EXOC6: variants seen among roughly 807,000 people sequenced by gnomAD.
EXOC6 encodes SEC15-like 1.
In EXOC6, 60 loss-of-function variants were observed where a neutral mutation model predicts 112.5. The ratio of observed to expected loss-of-function variants is 0.53; its 90% confidence interval spans 0.43 to 0.66. EXOC6 has a LOEUF of 0.66. EXOC6 is among the 30% of genes least tolerant of loss of function. EXOC6 has a pLI of 0.00. For missense variants in EXOC6, 855 were observed against 957.1 expected, an observed-to-expected ratio of 0.89 and a Z score of 1.41; for synonymous variants, 295 against 308.0, an observed-to-expected ratio of 0.96 and a Z score of 0.44.
At chr10:92,852,821 G>A (rs1036207887) in intron 1 of EXOC6, among the ~76,000 whole-genome samples, 6 of 152,280 alleles carry the variant, frequency 3.9e-5, no homozygotes, top group Admixed American at 2.6e-4. Context: ...AGTGGTAAGA[G>A]TCTGAATGCT....
intron 18 of EXOC6, among the ~76,000 whole-genome samples, chr10:92,984,311 A>G (rs1309764212): frequency 1.3e-5 from 2 of 152,108 alleles, no homozygotes; most frequent in Non-Finnish European, 1.5e-5. Context: ...TGATGAGTGA[A>G]TATTGTACCT....
At chr10:92,933,841 CTA>C (rs1852196993) in intron 9 of EXOC6, among the ~76,000 whole-genome samples, 1 of 152,038 alleles carries the variant, frequency 6.6e-6, no homozygotes, top group Admixed American at 6.6e-5. Flanking sequence ...GTTGGGGAGA[CTA>C]TGTAGGAGGA....
At chr10:92,881,782 G>T in intron 1 of EXOC6, among the ~76,000 whole-genome samples, 1 of 151,912 alleles carries the variant, frequency 6.6e-6, no homozygotes, top group East Asian at 1.9e-4. Flanking sequence ...AATCATGGGG[G>T]TGGTTTCTCC....
At chr10:92,936,777 T>C (rs2081166146) in intron 12 of EXOC6, among the ~76,000 whole-genome samples, 6 of 152,084 alleles carry the variant, frequency 3.9e-5, no homozygotes, top group Admixed American at 3.9e-4. Flanking sequence ...CGGGGTGGGG[T>C]GTGTACACCC....
chr10:92,899,290 G>A (rs561722720), intron 4 of EXOC6, among the ~76,000 whole-genome samples: 15 of 152,196 alleles, frequency 9.9e-5, no homozygotes, highest in Non-Finnish European at 1.8e-4. Flanking sequence ...TTTCTGGATA[G>A]GATAATTGTT....
At chr10:92,974,518 T>C (rs1842416685) in intron 18 of EXOC6, among the ~76,000 whole-genome samples, 2 of 151,660 alleles carry the variant, frequency 1.3e-5, no homozygotes, top group South Asian at 4.2e-4. Flanking sequence ...ATAGAAATAA[T>C]TTACATAGAG....
chr10:92,832,953 G>C (rs1846537819), upstream of EXOC6, among the ~76,000 whole-genome samples: 1 of 152,210 alleles, frequency 6.6e-6, no homozygotes, highest in South Asian at 2.1e-4. Context: ...GTGAGCCACT[G>C]TGCCAAGAAC....
At chr10:92,967,390 C>T (rs1842114013) in intron 17 of EXOC6, among the ~76,000 whole-genome samples, 1 of 152,070 alleles carries the variant, frequency 6.6e-6, no homozygotes, top group African/African-American at 2.4e-5. Context: ...TATTTGGTCT[C>T]TACCACCCCC....
chr10:93,011,430 TA>T (rs1053371911), intron 19 of EXOC6, among the ~76,000 whole-genome samples: 1 of 151,980 alleles, frequency 6.6e-6, no homozygotes, highest in African/African-American at 2.4e-5. Flanking sequence ...TGGCTAATTT[TA>T]ATTTTTTTTT....
chr10:92,964,091 A>T (rs1167454365), intron 17 of EXOC6, among the ~76,000 whole-genome samples: 1 of 151,796 alleles, frequency 6.6e-6, no homozygotes, highest in Admixed American at 6.6e-5. Flanking sequence ...ATTTAATGAG[A>T]TGCTTAGCAC....
At chr10:92,931,290 T>G (rs1390511391) in intron 9 of EXOC6, among the ~76,000 whole-genome samples, 1 of 151,788 alleles carries the variant, frequency 6.6e-6, no homozygotes, top group Non-Finnish European at 1.5e-5. Flanking sequence ...GATTTTTTTT[T>G]TTAGTGTAGT....
At chr10:92,982,730 C>A (rs1842870929) in intron 18 of EXOC6, among the ~76,000 whole-genome samples, 1 of 152,202 alleles carries the variant, frequency 6.6e-6, no homozygotes. Flanking sequence ...TCTTCTCCAT[C>A]TGTCCCTTTT....
chr10:92,962,573 T>C (rs955087404), intron 17 of EXOC6, among the ~76,000 whole-genome samples: 26 of 151,960 alleles, frequency 1.7e-4, no homozygotes, highest in African/African-American at 5.6e-4. Flanking sequence ...AAAATTGTTT[T>C]GTAGAGACAG....
Position 93,057,038 on chromosome 10 carries a change from T to G in EXOC6, c.2282+2T>G. On this transcript the variant is annotated splice_donor_variant, in intron 21 of 21. Transcript: ENST00000260762. LOFTEE classifies it high-confidence loss of function. ...CACAGCCCTTACTCTTTTGGAGAAG[T>G]GAGTATATTCTGAAACTTTTTTGTA... The G allele has an allele frequency of 6.7e-7, 1 of 1,484,390 alleles. No homozygotes were observed. Among genetic ancestry groups the G allele is most frequent in the South Asian group, 1.3e-5 (1 of 75,658 alleles). 92.0% of individuals were successfully genotyped at this position (1,484,390 alleles called of 1,614,324 possible). A position where few individuals can be genotyped will look rare whatever the true frequency, so the allele number is the denominator to read the frequency against.
At chr10:92,905,013 G>T (rs964949121) in intron 5 of EXOC6, among the ~76,000 whole-genome samples, 2 of 151,798 alleles carry the variant, frequency 1.3e-5, no homozygotes, top group African/African-American at 4.8e-5. Flanking sequence ...TCACTTTTTT[G>T]CATGTGAATG....
At chr10:92,981,072 T>A (rs554046125) in intron 18 of EXOC6, among the ~76,000 whole-genome samples, 1 of 152,350 alleles carries the variant, frequency 6.6e-6, no homozygotes, top group African/African-American at 2.4e-5. Context: ...TTGGCAAGTA[T>A]TCTTGAGGTT....
intron 14 of EXOC6, among the ~76,000 whole-genome samples, chr10:92,951,756 T>C (rs1401493978): frequency 6.6e-6 from 1 of 152,180 alleles, no homozygotes; most frequent in African/African-American, 2.4e-5. Flanking sequence ...TACCAGTGTT[T>C]AATGGCATGG....
rs373864167 is a variant in EXOC6 at position 92,958,626 on chromosome 10, T to C, written c.1773+2912T>C. 1.4e-4 allele frequency among the ~76,000 whole-genome samples: 22 copies of C among 152,344 alleles called. No individual in the cohort carries two copies. In the East Asian group the frequency reaches 4.1e-3, roughly 28 times the overall value. ...ATGGTACATGTCAGTTCTTCCCAAC[T>C]TGATCTACAGATTTAATGTATTCCC... On this transcript the variant is annotated intron_variant, in intron 17 of 21. Coordinates refer to ENST00000260762, the MANE Select transcript of EXOC6 (RefSeq NM_019053.6).
intron 12 of EXOC6, among the ~76,000 whole-genome samples, chr10:92,939,535 T>C (rs1852539951): frequency 6.6e-6 from 1 of 151,974 alleles, no homozygotes; most frequent in Admixed American, 6.6e-5. Context: ...CTTGATTTCA[T>C]TGGAGAGAGG....
Sources: allele counts gnomAD v4.1 joint callset (sites outside exome capture counted in the v4.1 genomes callset), GRCh38; gene constraint gnomAD v4.1.1; transcripts MANE v1.5; gene names NCBI Gene and HGNC (gene_info 2026-07-23, HGNC 2026-07-21).